PTPN21: variants seen among roughly 807,000 people sequenced by gnomAD.
The protein encoded by PTPN21 is protein tyrosine phosphatase non-receptor type 21.
Under a neutral mutation model 131.8 loss-of-function variants are expected in PTPN21, and 77 were observed. The observed-to-expected ratio is 0.58, with a 90% CI of 0.49 to 0.71. PTPN21 has a LOEUF of 0.71. PTPN21 is among the 30% of genes least tolerant of loss of function. PTPN21 has a pLI of 0.00. For missense variants in PTPN21, 1,552 were observed against 1,527.1 expected, an observed-to-expected ratio of 1.02 and a Z score of -0.27; for synonymous variants, 715 against 621.3, an observed-to-expected ratio of 1.15 and a Z score of -2.24.
At position 88,468,198 on chromosome 14, in the gene PTPN21, CAG is replaced by C; in HGVS notation, c.3462_3463del (p.Cys1155ProfsTer37). Reference sequence around the variant, plus strand: ...GACTCTGTACACAAATGTGTACTGGCAGAGAGTCTGCACCAGCATCATTCTCT... The same window carrying C: ...GACTCTGTACACAAATGTGTACTGGCAGAGTCTGCACCAGCATCATTCTCT... On this transcript the variant is annotated frameshift_variant, in exon 19 of 19. Coordinates refer to ENST00000556564, the MANE Select transcript of PTPN21 (RefSeq NM_007039.4). LOFTEE classifies it high-confidence loss of function. 6.2e-7 allele frequency: 1 copy of C among 1,612,124 alleles called. No individual in the cohort carries two copies. The highest frequency in any genetic ancestry group is 8.5e-7 in the Non-Finnish European group (1 of 1,178,310).
intron 2 of PTPN21, among the ~76,000 whole-genome samples, chr14:88,545,493 G>A (rs2078763025): frequency 6.6e-6 from 1 of 152,108 alleles, no homozygotes; most frequent in Non-Finnish European, 1.5e-5. Flanking sequence ...AGCCTCTACA[G>A]CATATGCTTT....
intron 2 of PTPN21, among the ~76,000 whole-genome samples, chr14:88,527,729 A>C (rs942835030): frequency 6.6e-6 from 1 of 152,298 alleles, no homozygotes; most frequent in East Asian, 1.9e-4. Context: ...CTCTTTGCCT[A>C]GGCCAATGTC....
intron 10 of PTPN21, among the ~76,000 whole-genome samples, chr14:88,490,502 G>C (rs1422961526): frequency 6.6e-6 from 1 of 152,084 alleles, no homozygotes; most frequent in Non-Finnish European, 1.5e-5. Context: ...GGATCCATGG[G>C]AACTACTGGG....
At chr14:88,546,513 T>C (rs1595421644) in intron 2 of PTPN21, among the ~76,000 whole-genome samples, 1 of 149,468 alleles carries the variant, frequency 6.7e-6, no homozygotes, top group East Asian at 2.0e-4. Context: ...GAGGCAGAGG[T>C]TGCAGTGAAC....
chr14:88,485,598 A>T (rs1391977279), intron 11 of PTPN21, among the ~76,000 whole-genome samples, 184 bp downstream of exon 11: 1 of 152,026 alleles, frequency 6.6e-6, no homozygotes, highest in Non-Finnish European at 1.5e-5. Context: ...AAATATGTAT[A>T]ATATAATAAT....
At chr14:88,495,626 G>T (rs1420664472) in intron 10 of PTPN21, among the ~76,000 whole-genome samples, 1 of 152,140 alleles carries the variant, frequency 6.6e-6, no homozygotes, top group East Asian at 1.9e-4. Flanking sequence ...CCCCCTAGAC[G>T]AAAGGATTTG....
Position 88,469,343 on chromosome 14 carries a change from G to A in PTPN21, c.3235+156C>T, listed in dbSNP as rs180854137. Among the ~76,000 whole-genome samples the A allele has an allele frequency of 4.7e-4, 72 of 152,166 alleles. No individual in the cohort carries two copies. Among genetic ancestry groups the A allele is most frequent in the East Asian group, 9.6e-4 (5 of 5,182 alleles). On this transcript the variant is annotated intron_variant, in intron 17 of 18. Coordinates refer to ENST00000556564, the MANE Select transcript of PTPN21 (RefSeq NM_007039.4). This position sits in a 1 kb window ranked among gnomAD's most constrained non-coding sequence, Gnocchi z 4.3. ...TACCAAATCATAATTTATAAACCTC[G>A]TTAACCCTCCCCAAAACACTTGTAT... is the stretch of plus-strand genomic sequence containing the variant.
chr14:88,550,702 C>T, intron 1 of PTPN21, 83 bp from the exon 2 acceptor site: 2 of 300,872 alleles, frequency 6.6e-6, no homozygotes, highest in Non-Finnish European at 6.2e-6. Flanking sequence ...AAGCTGTGGC[C>T]AAAGAACAAG....
intron 9 of PTPN21, 94 bp from the exon 10 acceptor site, chr14:88,496,586 T>C: frequency 1.1e-6 from 1 of 949,428 alleles, no homozygotes; most frequent in Non-Finnish European, 1.7e-6. Context: ...ATGGGTGACA[T>C]CATATGACAA....
Position 88,485,131 on chromosome 14 carries a change from G to C in PTPN21, c.1023C>G (p.Pro341=), listed in dbSNP as rs566152676. Residue 341 remains proline, a synonymous_variant, in exon 12 of 19, where the codon CCC becomes CCG. Transcript: ENST00000556564. ...LPKPQPYVMP[P]PPQLHYNGHY... ...GTCCATTATAGTGCAACTGCGGTGG[G>C]GGAGGCATCACGTAGGGCTGGGGTT... 5.6e-6 allele frequency: 9 copies of C among 1,606,780 alleles called. No homozygotes were observed. Among genetic ancestry groups the C allele is most frequent in the Non-Finnish European group, 6.8e-6 (8 of 1,175,080 alleles).
rs151212783 is a variant in PTPN21, at chr14:88,502,438, C to T, written c.588-1070G>A. Among the ~76,000 whole-genome samples, 410 of 152,210 alleles carry T rather than the reference C, an allele frequency of 2.7e-3. 2 individuals carry two copies. The highest frequency in any genetic ancestry group is 9.1e-3 in the African/African-American group (379 of 41,538). On this transcript the variant is annotated intron_variant, in intron 6 of 18. Coordinates refer to ENST00000556564, the MANE Select transcript of PTPN21 (RefSeq NM_007039.4). Reference sequence around the variant, plus strand: ...AGCTCCATGCAGTCCCAACACATTCCGCCCATACCCCTCTAACTGCACTCA... The same window carrying T: ...AGCTCCATGCAGTCCCAACACATTCTGCCCATACCCCTCTAACTGCACTCA...
chr14:88,530,566 T>A (rs982756133), intron 2 of PTPN21, among the ~76,000 whole-genome samples: 2 of 143,790 alleles, frequency 1.4e-5, no homozygotes, highest in Non-Finnish European at 3.2e-5. Flanking sequence ...AGAACTCACA[T>A]AAACTTAAGG....
chr14:88,493,043 G>A (rs1193911141), intron 10 of PTPN21: 1 of 456,098 alleles, frequency 2.2e-6, no homozygotes, highest in South Asian at 1.6e-5. Flanking sequence ...AAGAGCACAG[G>A]CTCGAGTCTT....
Position 88,534,069 on chromosome 14 carries a change from C to G in PTPN21, c.180+16169G>C, listed in dbSNP as rs529510531. Among the ~76,000 whole-genome samples the G allele has an allele frequency of 2.6e-5, 4 of 152,188 alleles. No homozygotes were observed. In the South Asian group the frequency reaches 6.2e-4, roughly 24 times the overall value. On this transcript the variant is annotated intron_variant, in intron 2 of 18. Coordinates refer to ENST00000556564, the MANE Select transcript of PTPN21 (RefSeq NM_007039.4). ...AGGCTAATATGTGTGTCTTAGTTTT[C>G]AACACAGAAGTTTAAAAAGTGGCCG...
At position 88,470,536 on chromosome 14, in the gene PTPN21, C is replaced by A. The variant is rs980832123; in HGVS notation, c.2872-486G>T. Among the ~76,000 whole-genome samples, 5 of 152,216 alleles carry A rather than the reference C, an allele frequency of 3.3e-5. No individual in the cohort carries two copies. The South Asian group carries it at 1.0e-3, about 31-fold the overall frequency. On this transcript the variant is annotated intron_variant, in intron 15 of 18. Transcript: ENST00000556564. ...TATTAAGTTTCCACTTCAGATTTAACTTCCTTGAGAGCAGTCTAATACAAC... is the reference window on the plus strand; with the variant it reads ...TATTAAGTTTCCACTTCAGATTTAAATTCCTTGAGAGCAGTCTAATACAAC...
intron 6 of PTPN21, among the ~76,000 whole-genome samples, chr14:88,501,990 T>C (rs1400675892): frequency 1.3e-5 from 2 of 150,928 alleles, no homozygotes; most frequent in Non-Finnish European, 3.0e-5. Flanking sequence ...AAAACAAAAA[T>C]AAAAACAACA....
intron 2 of PTPN21, among the ~76,000 whole-genome samples, chr14:88,545,786 C>T (rs1442279482): frequency 6.6e-6 from 1 of 151,990 alleles, no homozygotes; most frequent in African/African-American, 2.4e-5. Context: ...CACGGTGAAA[C>T]CCCATCTCTA....
intron 15 of PTPN21, 102 bp from the exon 16 acceptor site, chr14:88,470,152 T>A: frequency 8.9e-7 from 1 of 1,123,192 alleles, no homozygotes; most frequent in Non-Finnish European, 1.3e-6. Context: ...TTTAAAAAAG[T>A]AAAAAGTAAA....
chr14:88,497,313 C>T (rs748220447), intron 8 of PTPN21, 23 bp from the exon 9 acceptor site: 7 of 1,579,576 alleles, frequency 4.4e-6, no homozygotes, highest in Non-Finnish European at 2.6e-6. Context: ...AAATAGAGAA[C>T]TGGCAATGTG....
Sources: gnomAD v4.1 joint callset for allele counts (sites outside exome capture counted in the v4.1 genomes callset) on GRCh38, gnomAD v4.1.1 for gene constraint, Gnocchi (gnomAD v3.1) non-coding constraint, MANE v1.5 for transcripts, NCBI Gene and HGNC (gene_info 2026-07-23, HGNC 2026-07-21) for gene names.